The following CEBPZ variants were observed in gnomAD, a reference collection of about 807,000 sequenced individuals.
CEBPZ encodes CCAAT/enhancer-binding protein zeta.
Under a neutral mutation model 104.5 loss-of-function variants are expected in CEBPZ, and 78 were observed. The ratio of observed to expected loss-of-function variants is 0.75; its 90% confidence interval spans 0.62 to 0.90. CEBPZ has a LOEUF of 0.90. Ranked by LOEUF, CEBPZ falls within the 40% of genes least tolerant of loss-of-function variation. The pLI is 0.00. For synonymous variants in CEBPZ, 470 were observed against 427.0 expected (o/e 1.10, Z -1.24); for missense variants, 1,439 against 1,233.5 (o/e 1.17, Z -2.50).
At position 37,212,006 on chromosome 2, in the gene CEBPZ, A is replaced by G; in HGVS notation, c.2637T>C (p.Asp879=). 6.2e-7 allele frequency: 1 copy of G among 1,603,084 alleles called. No individual in the cohort carries two copies. Residue 879 remains aspartate (D), a synonymous_variant, in exon 12 of 16, where the codon GAT becomes GAC. Coordinates refer to ENST00000234170, the MANE Select transcript of CEBPZ (RefSeq NM_005760.3). ...CTTCTGAATCTTCATCTAATGTGTT[A>G]TCCTTAGCTCCTTTTGTTCTCTTTT... ...NVKKRTKGAK[D]NTLDEDSEGS... is the part of the protein sequence containing the mutation.
intron 5 of CEBPZ, among the ~76,000 whole-genome samples, chr2:37,218,221 C>T (rs539752544): frequency 4.0e-5 from 6 of 151,210 alleles, no homozygotes; most frequent in East Asian, 1.9e-4. Flanking sequence ...GAGCTGAGAT[C>T]GCACCACCGC....
intron 2 of CEBPZ, among the ~76,000 whole-genome samples, chr2:37,225,399 T>C (rs1053199074): frequency 3.3e-5 from 5 of 151,642 alleles, no homozygotes; most frequent in Non-Finnish European, 5.9e-5. Flanking sequence ...TTTTGTTATG[T>C]ACTAAGAAAA....
chr2:37,208,080 A>G (rs962103606), intron 13 of CEBPZ, among the ~76,000 whole-genome samples: 2 of 152,184 alleles, frequency 1.3e-5, no homozygotes, highest in African/African-American at 4.8e-5. Flanking sequence ...GAAATATACA[A>G]CCCTTCTAGA....
chr2:37,227,183 G>C (rs1162820626), intron 2 of CEBPZ, among the ~76,000 whole-genome samples: 2 of 152,210 alleles, frequency 1.3e-5, no homozygotes, highest in Non-Finnish European at 2.9e-5. Flanking sequence ...AGAATGGGAA[G>C]ACGGAAACTG....
chr2:37,218,688 G>C (rs1305784280), intron 5 of CEBPZ, among the ~76,000 whole-genome samples: 3 of 152,142 alleles, frequency 2.0e-5, no homozygotes, highest in Non-Finnish European at 2.9e-5. Flanking sequence ...TGGATCACCT[G>C]AAGTCAGGAG....
At chr2:37,219,138 T>G (rs1031874198) in intron 5 of CEBPZ, among the ~76,000 whole-genome samples, 20 of 152,362 alleles carry the variant, frequency 1.3e-4, no homozygotes, top group Non-Finnish European at 1.9e-4. Context: ...TTTCATTCAT[T>G]TTCAAGAAAA....
At chr2:37,226,182 A>C (rs1664883082) in intron 2 of CEBPZ, among the ~76,000 whole-genome samples, 1 of 151,734 alleles carries the variant, frequency 6.6e-6, no homozygotes, top group Non-Finnish European at 1.5e-5. Context: ...GGTTCCCCTT[A>C]TTTCTTTCTC....
chr2:37,220,532 A>T, intron 4 of CEBPZ, 59 bp from the exon 5 acceptor site: 1 of 832,150 alleles, frequency 1.2e-6, no homozygotes, highest in Admixed American at 2.6e-5. Context: ...CCAAGAGGTC[A>T]TTAAAAGCAC....
chr2:37,211,132 G>C (rs201041713), intron 12 of CEBPZ, 50 bp from the exon 13 acceptor site: 23 of 1,190,856 alleles, frequency 1.9e-5, no homozygotes. Flanking sequence ...CAATAAGACT[G>C]GAAAATATTA....
Position 37,228,954 on chromosome 2 carries a change from T to C in CEBPZ, c.239A>G (p.Gln80Arg). ...GGKKGAIDDLQQGELEAFIQN... is the reference protein window; with the variant it reads ...GGKKGAIDDLRQGELEAFIQN... ...AATAAATGCTTCCAATTCACCTTGC[T>C]GAAGGTCATCGATTGCTCCTTTTTT... Residue 80 changes from glutamine (Q) to arginine (R), a missense_variant, in exon 2 of 16, where the codon CAG (glutamine) becomes CGG (arginine). Physicochemically the swap from Gln to Arg is conservative, Grantham distance 43. Coordinates refer to ENST00000234170, the MANE Select transcript of CEBPZ (RefSeq NM_005760.3). 1 of 1,609,520 alleles carries C rather than the reference T, an allele frequency of 6.2e-7. No individual in the cohort carries two copies. Among genetic ancestry groups the C allele is most frequent in the Non-Finnish European group, 8.5e-7 (1 of 1,178,594 alleles).
chr2:37,211,315 A>G (rs958795137), intron 12 of CEBPZ: 28 of 355,308 alleles, frequency 7.9e-5, no homozygotes, highest in Non-Finnish European at 1.4e-4. Context: ...TAGCTTCATT[A>G]ATAAGACCAA....
rs1188887448 is a variant in CEBPZ at position 37,227,973 on chromosome 2, T to A, written c.1220A>T (p.Glu407Val). The A allele has an allele frequency of 1.9e-6, 3 of 1,614,196 alleles. No individual in the cohort carries two copies. In the Admixed American group the frequency reaches 5.0e-5, roughly 27 times the overall value. ...ATTGGGATGTTTACAAAGTAATGTC[T>A]CTAACAGATGGGATGCTTTTGTGGC... The part of the protein sequence containing the change: ...RIATKASHLL[E>V]TLLCKHPNMK... The change falls in exon 2 of 16, where the codon GAG becomes GTG. Residue 407 changes from glutamate (E) to valine (V), a missense_variant. Physicochemically the swap from Glu to Val is moderately radical, Grantham distance 121. Coordinates refer to ENST00000234170, the MANE Select transcript of CEBPZ (RefSeq NM_005760.3).
intron 2 of CEBPZ, among the ~76,000 whole-genome samples, chr2:37,223,619 T>C (rs1664818189): frequency 6.6e-6 from 1 of 152,232 alleles, no homozygotes; most frequent in Admixed American, 6.5e-5. Flanking sequence ...GACACAGGAA[T>C]AGGCATTTTT....
chr2:37,202,420 G>A (rs970025269), intron 15 of CEBPZ: 9 of 169,808 alleles, frequency 5.3e-5, no homozygotes, highest in African/African-American at 1.9e-4. Context: ...CGAGGCAGGC[G>A]GGTCACTTGA....
chr2:37,209,517 A>G (rs1172132286), intron 13 of CEBPZ: 2 of 152,230 alleles, frequency 1.3e-5, no homozygotes, highest in Non-Finnish European at 2.9e-5. Flanking sequence ...GATCTTTGAC[A>G]AAGTAAACAA....
chr2:37,228,307 C>T lies in CEBPZ; in HGVS notation c.886G>A (p.Asp296Asn). ...AGCTTCCGATTGTCTGGCAAAAGGT[C>T]TGTGATAAGCAACTCTTTGAAAGTA... ...LDTFKELLIT[D>N]LLPDNRKLRI... Residue 296 changes from aspartate to asparagine, a missense_variant, in exon 2 of 16, where the codon GAC (aspartate) becomes AAC (asparagine). Transcript: ENST00000234170. 2 of 1,614,188 alleles carry T rather than the reference C, an allele frequency of 1.2e-6. No individual in the cohort carries two copies. The highest frequency in any genetic ancestry group is 2.2e-5 in the South Asian group (2 of 91,078).
rs754493973 is a variant in CEBPZ at position 37,222,591 on chromosome 2, A to G, written c.1882-28T>C. 4.0e-6 allele frequency: 6 copies of G among 1,487,006 alleles called. No homozygotes were observed. In the South Asian group the frequency reaches 6.5e-5, roughly 16 times the overall value. The allele number at this position is 1,487,006 out of a possible 1,614,324, so 92.1% of individuals were successfully genotyped here. A position where few individuals can be genotyped will look rare whatever the true frequency, so the allele number is the denominator to read the frequency against. On this transcript the variant is annotated intron_variant, in intron 3 of 15. Coordinates refer to ENST00000234170, the MANE Select transcript of CEBPZ (RefSeq NM_005760.3). ...AACAAAAGTATAGTTTCATAAATCT[A>G]CATAAATCAACTGGAAGTTGCAATA...
intron 13 of CEBPZ, chr2:37,209,264 C>G (rs971710638): frequency 6.6e-6 from 1 of 151,994 alleles, no homozygotes; most frequent in African/African-American, 2.4e-5. Context: ...AAAATGCCAT[C>G]ATCATTCTTC....
Position 37,201,898 on chromosome 2 carries a change from T to G in CEBPZ, c.3031A>C (p.Lys1011Gln), listed in dbSNP as rs1490374332. The change falls in exon 16 of 16, where the codon AAA becomes CAA. Residue 1011 changes from lysine (K) to glutamine (Q), a missense_variant. Coordinates refer to ENST00000234170, the MANE Select transcript of CEBPZ (RefSeq NM_005760.3). Reference protein sequence around the residue: ...AMANKDNASLKQLRWEAERDD... With the variant: ...AMANKDNASLQQLRWEAERDD... Reference sequence around the variant, plus strand: ...CGTTCAGCCTCCCATCTAAGCTGTTTGAGACCTTTGAGAGAAGAAGAAAAG... The same window carrying G: ...CGTTCAGCCTCCCATCTAAGCTGTTGGAGACCTTTGAGAGAAGAAGAAAAG... 1 of 1,612,098 alleles carries G rather than the reference T, an allele frequency of 6.2e-7. No individual in the cohort carries two copies. Among genetic ancestry groups the G allele is most frequent in the African/African-American group, 1.3e-5 (1 of 74,668 alleles).
Sources: allele counts gnomAD v4.1 joint callset (sites outside exome capture counted in the v4.1 genomes callset), GRCh38; gene constraint gnomAD v4.1.1; transcripts MANE v1.5; gene names NCBI Gene and HGNC (gene_info 2026-07-23, HGNC 2026-07-21).